The following XRCC4 variants were observed in gnomAD, a reference collection of about 807,000 sequenced individuals.
XRCC4 encodes the protein X-ray repair cross complementing 4, also known as DNA repair protein XRCC4.
A neutral mutation model predicts 39.1 loss-of-function variants in XRCC4; 28 were observed. The ratio of observed to expected loss-of-function variants is 0.72; its 90% confidence interval spans 0.53 to 0.98. XRCC4 has a LOEUF of 0.98. Ranked by LOEUF, XRCC4 falls within the 50% of genes least tolerant of loss-of-function variation. XRCC4 has a pLI of 0.00. For missense variants in XRCC4, 350 were observed against 376.4 expected (o/e 0.93, Z 0.58); for synonymous variants, 123 against 126.4 (o/e 0.97, Z 0.18).
chr5:83,162,703 G>A (rs2731860), intron 3 of XRCC4, among the ~76,000 whole-genome samples: 1 of 151,712 alleles, frequency 6.6e-6, no homozygotes, highest in Non-Finnish European at 1.5e-5. Flanking sequence ...CTTAAAGTTC[G>A]TGGGTTTCTA....
intron 3 of XRCC4, among the ~76,000 whole-genome samples, chr5:83,186,148 T>G (rs1750428267): frequency 6.6e-6 from 1 of 152,184 alleles, no homozygotes; most frequent in Non-Finnish European, 1.5e-5. Flanking sequence ...TTCTCAATAC[T>G]TGTACTATTG....
the XRCC4 span, among the ~76,000 whole-genome samples, chr5:83,362,347 T>C: frequency 8.0e-5 from 12 of 149,408 alleles, no homozygotes; most frequent in Non-Finnish European, 1.2e-4. Context: ...TATGTTCATG[T>C]ATTCACATAT....
chr5:83,333,588 A>C (rs1402312682), intron 7 of XRCC4, among the ~76,000 whole-genome samples: 1 of 152,198 alleles, frequency 6.6e-6, no homozygotes, highest in East Asian at 1.9e-4. Context: ...ATTAACAAAA[A>C]TAACACTCAG....
At chr5:83,360,522 A>G in the XRCC4 span, among the ~76,000 whole-genome samples, 4 of 152,176 alleles carry the variant, frequency 2.6e-5, no homozygotes, top group Admixed American at 2.6e-4. Flanking sequence ...GCCAAAATCC[A>G]TTAACTTGCT....
In XRCC4 at chr5:83,353,149, T is replaced by C; in HGVS notation, c.912T>C (p.Pro304=). The part of the protein sequence containing the change: ...QEKEKPDSSL[P]ETSKKEHISA... ...GTTCTAGGCCTGATTCTTCACTACC[T>C]GAGACGTCTAAAAAGGAGCACATCT... is the stretch of plus-strand genomic sequence containing the variant. Residue 304 remains proline (P), a synonymous_variant, in exon 8 of 8, where the codon CCT becomes CCC. Transcript: ENST00000396027. 1 of 1,610,860 alleles carries C rather than the reference T, an allele frequency of 6.2e-7. No homozygotes were observed. The highest frequency in any genetic ancestry group is 8.5e-7 in the Non-Finnish European group (1 of 1,178,706).
At chr5:83,312,654 G>A (rs1027020360) in intron 7 of XRCC4, among the ~76,000 whole-genome samples, 17 of 152,162 alleles carry the variant, frequency 1.1e-4, no homozygotes, top group African/African-American at 4.1e-4. Flanking sequence ...CACATGGGAG[G>A]AGAGTTTTGA....
rs142878883 is a variant in XRCC4 at position 83,199,879 on chromosome 5, A to G, written c.483-3673A>G. On this transcript the variant is annotated intron_variant, in intron 4 of 7. Transcript: ENST00000396027. ...CTAGTTATTGTAGAAAGGATGAAGT[A>G]TCATTAGACCTTTCTTGTTTGATGT... Among the ~76,000 whole-genome samples, 144 of 152,300 alleles carry G rather than the reference A, an allele frequency of 9.5e-4. 5 individuals are homozygous for G. In the East Asian group the frequency reaches 0.026, roughly 27 times the overall value.
chr5:83,210,694 T>G (rs757537248), intron 6 of XRCC4, among the ~76,000 whole-genome samples: 1 of 152,182 alleles, frequency 6.6e-6, no homozygotes, highest in Non-Finnish European at 1.5e-5. Context: ...AAGATCCTAT[T>G]TGTACATACA....
chr5:83,080,654 G>GT (rs1744896677), intron 1 of XRCC4, among the ~76,000 whole-genome samples: 1 of 151,970 alleles, frequency 6.6e-6, no homozygotes, highest in Admixed American at 6.6e-5. Flanking sequence ...CTTGTTTAGC[G>GT]TATCCCTGCT....
At chr5:83,359,293 A>G in the XRCC4 span, among the ~76,000 whole-genome samples, 1 of 152,106 alleles carries the variant, frequency 6.6e-6, no homozygotes, top group African/African-American at 2.4e-5. Flanking sequence ...GAAGTAGCGT[A>G]CAGAAGAGCC....
At chr5:83,282,561 G>A (rs1754582743) in intron 7 of XRCC4, among the ~76,000 whole-genome samples, 2 of 151,508 alleles carry the variant, frequency 1.3e-5, no homozygotes, top group Admixed American at 6.6e-5. Context: ...ATAAAAATTT[G>A]AGCCAGGCAT....
chr5:83,122,850 A>G (rs1747076467), intron 3 of XRCC4, among the ~76,000 whole-genome samples: 1 of 152,176 alleles, frequency 6.6e-6, no homozygotes, highest in Non-Finnish European at 1.5e-5. Flanking sequence ...TATTACAGAT[A>G]TCGTGCCAAT....
intron 7 of XRCC4, among the ~76,000 whole-genome samples, chr5:83,295,640 T>C (rs893618767): frequency 6.6e-6 from 1 of 151,844 alleles, no homozygotes; most frequent in Non-Finnish European, 1.5e-5. Context: ...AAGAAGAACA[T>C]GCAGAGGCTC....
At chr5:83,212,964 A>G (rs1751711856) in intron 6 of XRCC4, among the ~76,000 whole-genome samples, 1 of 151,012 alleles carries the variant, frequency 6.6e-6, no homozygotes, top group Non-Finnish European at 1.5e-5. Flanking sequence ...AAAAAAAAAC[A>G]AAAAGATACA....
At chr5:83,308,893 T>A (rs535663076) in intron 7 of XRCC4, among the ~76,000 whole-genome samples, 2 of 152,236 alleles carry the variant, frequency 1.3e-5, no homozygotes, top group East Asian at 3.9e-4. Context: ...CATTTCAAAT[T>A]TTTATACTCG....
At chr5:83,256,470 C>T (rs951460384) in intron 6 of XRCC4, among the ~76,000 whole-genome samples, 2 of 151,612 alleles carry the variant, frequency 1.3e-5, no homozygotes, top group African/African-American at 2.4e-5. Flanking sequence ...CCTAGATATC[C>T]GCTGTGACAT....
At chr5:83,122,848 A>G (rs1747076336) in intron 3 of XRCC4, among the ~76,000 whole-genome samples, 1 of 152,140 alleles carries the variant, frequency 6.6e-6, no homozygotes, top group Admixed American at 6.6e-5. Context: ...GATATTACAG[A>G]TATCGTGCCA....
intron 7 of XRCC4, among the ~76,000 whole-genome samples, chr5:83,347,109 A>G (rs1756938868): frequency 6.6e-6 from 1 of 152,206 alleles, no homozygotes; most frequent in Admixed American, 6.5e-5. Context: ...CTAATAGTAC[A>G]TCAAAATTAA....
At chr5:83,341,185 T>G (rs1328687519) in intron 7 of XRCC4, among the ~76,000 whole-genome samples, 1 of 148,996 alleles carries the variant, frequency 6.7e-6, no homozygotes, top group Non-Finnish European at 1.5e-5. Context: ...ATATAATGTA[T>G]GTATAAGGTT....
Sources: allele counts gnomAD v4.1 joint callset (sites outside exome capture counted in the v4.1 genomes callset), GRCh38; gene constraint gnomAD v4.1.1; transcripts MANE v1.5; gene names NCBI Gene and HGNC (gene_info 2026-07-23, HGNC 2026-07-21).